UBR3: variants seen among roughly 807,000 people sequenced by gnomAD.
The protein encoded by UBR3 is ubiquitin protein ligase E3 component n-recognin 3.
Under a neutral mutation model 243.2 loss-of-function variants are expected in UBR3, and 85 were observed. The observed-to-expected ratio is 0.35, with a 90% CI of 0.29 to 0.42. The LOEUF (loss-of-function observed/expected upper bound fraction) is 0.42. Among genes scored for constraint, UBR3 ranks in the 10% least tolerant of loss-of-function variants. UBR3 has a pLI of 1.00. For missense variants in UBR3, 1,686 were observed against 2,300.8 expected, an observed-to-expected ratio of 0.73 and a Z score of 5.47; for synonymous variants, 748 against 799.8, an observed-to-expected ratio of 0.94 and a Z score of 1.09.
rs771431387 is a variant in UBR3, at chr2:169,828,011, C to T, written c.504C>T (p.Gly168=). ...ACATGTTCCGCAGCCAGGCCGGGGG[C>T]GCCTGCGACTGCGGGGACAGCAACG... is the stretch of plus-strand genomic sequence containing the variant. ...DFNMFRSQAG[G]ACDCGDSNVM... Residue 168 remains glycine, a synonymous_variant, in exon 1 of 39, where the codon GGC becomes GGT. Transcript: ENST00000272793. 39 of 1,414,014 alleles carry T rather than the reference C, an allele frequency of 2.8e-5. No individual in the cohort carries two copies. Among genetic ancestry groups the T allele is most frequent in the South Asian group, 1.0e-4 (7 of 70,008 alleles). 87.6% of individuals were successfully genotyped at this position (1,414,014 alleles called of 1,614,324 possible). A position where few individuals can be genotyped will look rare whatever the true frequency, so the allele number is the denominator to read the frequency against.
chr2:170,065,540 C>T (rs554667329), intron 35 of UBR3, among the ~76,000 whole-genome samples: 2 of 152,082 alleles, frequency 1.3e-5, no homozygotes, highest in Non-Finnish European at 2.9e-5. Flanking sequence ...TGATCCACCC[C>T]CCTCAGCTCC....
Position 169,984,713 on chromosome 2 carries a change from A to G in UBR3, c.3635-1932A>G, listed in dbSNP as rs182552343. ...TACCAATAACATTTTAATTCAACAT[A>G]GGATATAAAAAGCTGTGACTTTTCC... On this transcript the variant is annotated intron_variant, in intron 24 of 38. Coordinates refer to ENST00000272793, the MANE Select transcript of UBR3 (RefSeq NM_172070.4). Among the ~76,000 whole-genome samples, 445 of 152,300 alleles carry G rather than the reference A, an allele frequency of 2.9e-3. 2 individuals are homozygous for G. The highest frequency in any genetic ancestry group is 0.01 in the African/African-American group (429 of 41,580).
intron 36 of UBR3, among the ~76,000 whole-genome samples, chr2:170,075,399 C>G (rs564597299): frequency 6.6e-6 from 1 of 152,168 alleles, no homozygotes; most frequent in South Asian, 2.1e-4. Context: ...AAGTGATGAG[C>G]ACACCCAGAG....
At chr2:169,923,737 T>C (rs1246707195) in intron 11 of UBR3, among the ~76,000 whole-genome samples, 192 bp from the exon 12 acceptor site, 1 of 152,222 alleles carries the variant, frequency 6.6e-6, no homozygotes, top group South Asian at 2.1e-4. Flanking sequence ...TTCAAGAAAC[T>C]TATACTTAAG....
At chr2:170,066,966 A>ATAATAATAATAAT (rs2091583064) in intron 35 of UBR3, among the ~76,000 whole-genome samples, 1 of 102,532 alleles carries the variant, frequency 9.8e-6, no homozygotes, top group Non-Finnish European at 2.5e-5. Context: ...TCCGTCTCTA[A>ATAATAATAATAAT]AATAATAATA....
intron 1 of UBR3, among the ~76,000 whole-genome samples, chr2:169,859,585 CTG>C (rs2105300934): frequency 6.6e-6 from 1 of 151,960 alleles, no homozygotes; most frequent in East Asian, 1.9e-4. Context: ...TTTCTAGTCT[CTG>C]TGTTTTATTT....
chr2:169,869,675 T>A lies in UBR3; in HGVS notation c.546-2561T>A, dbSNP rs527583667. ...TCCCCTCAAGCTTTCCTCTAATGGC[T>A]CAATTGCATGGGTCAGTTATTTCAC... On this transcript the variant is annotated intron_variant, in intron 1 of 38. Transcript: ENST00000272793. Among the ~76,000 whole-genome samples the A allele has an allele frequency of 2.6e-5, 4 of 152,350 alleles. No homozygotes were observed. The East Asian group carries it at 7.7e-4, about 29-fold the overall frequency.
Position 170,029,291 on chromosome 2 carries a change from T to G in UBR3, c.4454-55T>G, listed in dbSNP as rs944040563. On this transcript the variant is annotated intron_variant, in intron 30 of 38. Coordinates refer to ENST00000272793, the MANE Select transcript of UBR3 (RefSeq NM_172070.4). ...AATAACTAGAAATTTTGTCTGAATT[T>G]TGTTCTGTAACAAATGTGTGAACTT... is the stretch of plus-strand genomic sequence containing the variant. 32 of 1,420,536 alleles carry G rather than the reference T, an allele frequency of 2.3e-5. No individual in the cohort carries two copies. In the African/African-American group the frequency reaches 3.5e-4, roughly 16 times the overall value. The allele number at this position is 1,420,536 out of a possible 1,614,324, so 88.0% of individuals were successfully genotyped here.
intron 19 of UBR3, among the ~76,000 whole-genome samples, chr2:169,942,092 C>T (rs188338230): frequency 2.0e-5 from 3 of 152,276 alleles, no homozygotes; most frequent in Admixed American, 6.5e-5. Context: ...AGCTCAAATA[C>T]GCATTCAAAA....
chr2:169,959,578 GA>G (rs1241690994), intron 24 of UBR3, among the ~76,000 whole-genome samples: 3 of 152,212 alleles, frequency 2.0e-5, no homozygotes, highest in African/African-American at 7.2e-5. Flanking sequence ...CAGAGGGACA[GA>G]AATGGTAGGA....
intron 5 of UBR3, 30 bp from the exon 6 acceptor site, chr2:169,891,135 G>C (rs1460863221): frequency 1.3e-6 from 2 of 1,497,866 alleles, no homozygotes; most frequent in South Asian, 1.2e-5. Flanking sequence ...GAATGTGACT[G>C]TGTATAATGC....
chr2:169,882,324 A>G (rs2083914582), intron 5 of UBR3, among the ~76,000 whole-genome samples: 1 of 140,176 alleles, frequency 7.1e-6, no homozygotes, highest in Non-Finnish European at 1.5e-5. Flanking sequence ...TTTATATATT[A>G]TATATGTATT....
At chr2:169,844,435 T>G (rs2082398015) in intron 1 of UBR3, among the ~76,000 whole-genome samples, 1 of 152,198 alleles carries the variant, frequency 6.6e-6, no homozygotes, top group Non-Finnish European at 1.5e-5. Context: ...GAATGTTGTT[T>G]GTACTATTTC....
At position 169,947,729 on chromosome 2, in the gene UBR3, T is replaced by C; in HGVS notation, c.3084+14T>C. 6.9e-7 allele frequency: 1 copy of C among 1,442,186 alleles called. No homozygotes were observed. Among genetic ancestry groups the C allele is most frequent in the Non-Finnish European group, 9.1e-7 (1 of 1,095,944 alleles). 89.3% of individuals were successfully genotyped at this position (1,442,186 alleles called of 1,614,324 possible). A position where few individuals can be genotyped will look rare whatever the true frequency, so the allele number is the denominator to read the frequency against. On this transcript the variant is annotated intron_variant, in intron 22 of 38. Transcript: ENST00000272793. Reference sequence around the variant, plus strand: ...GGTTCTTTACAAGTAAGTGTAAATGTAAGAAAGAAAATAAGAAAAAGCTTT... The same window carrying C: ...GGTTCTTTACAAGTAAGTGTAAATGCAAGAAAGAAAATAAGAAAAAGCTTT...
intron 27 of UBR3, among the ~76,000 whole-genome samples, chr2:170,004,031 G>GC (rs1198927667): frequency 6.6e-6 from 1 of 152,106 alleles, no homozygotes; most frequent in Non-Finnish European, 1.5e-5. Context: ...CATTGTAAGG[G>GC]GCCTTCTGGT....
intron 12 of UBR3, 23 bp downstream of exon 12, chr2:169,924,017 C>A: frequency 6.5e-7 from 1 of 1,527,356 alleles, no homozygotes; most frequent in Non-Finnish European, 8.8e-7. Context: ...TTAAACAATT[C>A]TGTTCTTTTT....
intron 6 of UBR3, among the ~76,000 whole-genome samples, chr2:169,894,311 C>T (rs1036742305): frequency 9.4e-6 from 1 of 106,324 alleles, no homozygotes; most frequent in Non-Finnish European, 1.8e-5. Context: ...GAGTGAGACC[C>T]TGACTCTTAA....
intron 23 of UBR3, 28 bp downstream of exon 23, chr2:169,950,093 G>A (rs553685782): frequency 1.5e-5 from 22 of 1,509,884 alleles, no homozygotes; most frequent in African/African-American, 1.3e-4. Context: ...TGTTTTAAAC[G>A]TGTGTATAGT....
intron 30 of UBR3, among the ~76,000 whole-genome samples, chr2:170,021,715 A>G (rs1365653160): frequency 6.6e-6 from 1 of 152,098 alleles, no homozygotes; most frequent in East Asian, 1.9e-4. Context: ...CCCCATGATA[A>G]AGTTTATCTT....
Sources: allele counts gnomAD v4.1 joint callset (sites outside exome capture counted in the v4.1 genomes callset), GRCh38; gene constraint gnomAD v4.1.1; transcripts MANE v1.5; gene names NCBI Gene and HGNC (gene_info 2026-07-23, HGNC 2026-07-21).